Variants in ZNF516 observed in about 807,000 individuals in gnomAD.
ZNF516 encodes the protein zinc finger protein 516.
Under a neutral mutation model 79.7 loss-of-function variants are expected in ZNF516, and 19 were observed. The observed-to-expected ratio is 0.24, with a 90% CI of 0.17 to 0.35. ZNF516 has a LOEUF of 0.35. ZNF516 is among the 10% of genes least tolerant of loss of function. The pLI is 1.00. For missense variants in ZNF516, 1,678 were observed against 1,679.5 expected (o/e 1.00, Z 0.02); for synonymous variants, 877 against 739.5 (o/e 1.19, Z -3.02).
chr18:76,379,035 G>A lies in ZNF516; in HGVS notation c.3079C>T (p.Gln1027Ter). Residue 1027 changes from glutamine to a stop codon, truncating the protein, a stop_gained, in exon 4 of 7, where the codon CAG becomes TAG. Transcript: ENST00000443185. LOFTEE classifies it high-confidence loss of function. The part of the protein sequence containing the change: ...AAGSRGDAAL[Q>*]AQPGVAGAPP... ...GCCCCAGCCACGCCGGGCTGGGCCT[G>A]CAAGGCCGCGTCGCCCCTGGACCCC... is the stretch of plus-strand genomic sequence containing the variant. The A allele has an allele frequency of 6.2e-7, 1 of 1,611,196 alleles. No homozygotes were observed.
At chr18:76,413,135 C>T (rs766819903) in intron 3 of ZNF516, among the ~76,000 whole-genome samples, 53 of 152,210 alleles carry the variant, frequency 3.5e-4, no homozygotes, top group Non-Finnish European at 1.3e-4. Context: ...AAATGCCATA[C>T]GGTTTATTCC....
At chr18:76,441,097 G>T in intron 3 of ZNF516, 148 bp downstream of exon 3, 1 of 1,236,716 alleles carries the variant, frequency 8.1e-7, no homozygotes, top group Non-Finnish European at 1.1e-6. Flanking sequence ...CTGAGTCCCA[G>T]GGTTACCTGA....
intron 3 of ZNF516, among the ~76,000 whole-genome samples, chr18:76,425,969 C>G (rs766071910): frequency 1.2e-4 from 19 of 152,206 alleles, no homozygotes; most frequent in Admixed American, 7.2e-4. Context: ...GAATTTCAGA[C>G]GTCAAATTAA....
intron 3 of ZNF516, among the ~76,000 whole-genome samples, chr18:76,426,650 TAAAG>T (rs1477788507): frequency 2.0e-5 from 3 of 148,122 alleles, no homozygotes; most frequent in Non-Finnish European, 3.1e-5. Context: ...TTGAATGAAT[TAAAG>T]AAAGCCGCAA....
intron 3 of ZNF516, among the ~76,000 whole-genome samples, chr18:76,381,065 G>A (rs553918983): frequency 7.2e-5 from 11 of 152,330 alleles, no homozygotes; most frequent in South Asian, 2.1e-4. Flanking sequence ...GACGGAGAGC[G>A]TGTCTGAGCC....
intron 1 of ZNF516, among the ~76,000 whole-genome samples, chr18:76,470,229 C>G (rs78014815): frequency 0.012 from 1,799 of 152,256 alleles, 43 homozygotes; most frequent in African/African-American, 0.041. Flanking sequence ...TCTGAGCCAA[C>G]CAATGTGCAG....
chr18:76,395,676 G>A (rs540264224), intron 3 of ZNF516, among the ~76,000 whole-genome samples: 151 of 151,980 alleles, frequency 9.9e-4, no homozygotes, highest in South Asian at 2.7e-3. Flanking sequence ...CAGTGACCAC[G>A]GACAGGCTGG....
chr18:76,438,257 G>C (rs2075770297), intron 3 of ZNF516, among the ~76,000 whole-genome samples: 2 of 152,174 alleles, frequency 1.3e-5, no homozygotes. Context: ...TTTCTGAGCA[G>C]AATTCTATTT....
chr18:76,370,816 G>C (rs1568231995), intron 5 of ZNF516, among the ~76,000 whole-genome samples: 1 of 152,226 alleles, frequency 6.6e-6, no homozygotes, highest in African/African-American at 2.4e-5. Context: ...GCTGAAGAAA[G>C]CAATCACTGA....
intron 3 of ZNF516, among the ~76,000 whole-genome samples, chr18:76,419,181 C>A (rs2075474685): frequency 6.6e-6 from 1 of 152,206 alleles, no homozygotes; most frequent in East Asian, 1.9e-4. Context: ...CAGGATTGTC[C>A]AGGATTATAC....
intron 6 of ZNF516, among the ~76,000 whole-genome samples, chr18:76,368,950 TC>T (rs1223051286): frequency 6.6e-6 from 1 of 152,194 alleles, no homozygotes; most frequent in African/African-American, 2.4e-5. Context: ...ACCAACTTGT[TC>T]CTAGATCCAC....
chr18:76,478,388 C>A, intron 1 of ZNF516, among the ~76,000 whole-genome samples: 1 of 152,008 alleles, frequency 6.6e-6, no homozygotes, highest in Middle Eastern at 3.2e-3. Flanking sequence ...GTTTTGTAAA[C>A]TTGTTTATAT....
Position 76,380,058 on chromosome 18 carries a change from C to A in ZNF516, c.2056G>T (p.Val686Phe). ...GGGAACTCCACACCATCACCAGGGA[C>A]GGGCACCTCCTGCTTGGGGTGAAAT... ...PAFHPKQEVP[V>F]PGDGVEFPSS... Residue 686 changes from valine to phenylalanine, a missense_variant, in exon 4 of 7, where the codon GTC becomes TTC. Physicochemically the swap from Val to Phe is conservative, Grantham distance 50. Coordinates refer to ENST00000443185, the MANE Select transcript of ZNF516 (RefSeq NM_014643.4). The A allele has an allele frequency of 1.9e-6, 3 of 1,613,972 alleles. No homozygotes were observed. Among genetic ancestry groups the A allele is most frequent in the Middle Eastern group, 1.6e-4 (1 of 6,062 alleles).
intron 3 of ZNF516, among the ~76,000 whole-genome samples, chr18:76,403,953 C>T (rs576538136): frequency 1.3e-5 from 2 of 152,354 alleles, no homozygotes; most frequent in African/African-American, 2.4e-5. Flanking sequence ...AAGCATCCTG[C>T]GGACAACGAG....
At chr18:76,450,839 T>C (rs1912364882) in intron 2 of ZNF516, among the ~76,000 whole-genome samples, 1 of 152,200 alleles carries the variant, frequency 6.6e-6, no homozygotes, top group Admixed American at 6.5e-5. Context: ...CGACAGGAAA[T>C]CTTGCCATTT....
Position 76,379,041 on chromosome 18 carries a change from C to A in ZNF516, c.3073G>T (p.Ala1025Ser). ...TCAAGSRGDA[A>S]LQAQPGVAGA... ...GCCACGCCGGGCTGGGCCTGCAAGG[C>A]CGCGTCGCCCCTGGACCCCGCAGCA... The change falls in exon 4 of 7, where the codon GCC (alanine) becomes TCC (serine). Residue 1025 changes from alanine (A) to serine (S), a missense_variant. By Grantham distance (99) the Ala-to-Ser change is moderately conservative (BLOSUM62 1). Coordinates refer to ENST00000443185, the MANE Select transcript of ZNF516 (RefSeq NM_014643.4). The A allele has an allele frequency of 3.1e-6, 5 of 1,610,702 alleles. No individual in the cohort carries two copies. Among genetic ancestry groups the A allele is most frequent in the Non-Finnish European group, 3.4e-6 (4 of 1,179,382 alleles).
intron 6 of ZNF516, among the ~76,000 whole-genome samples, chr18:76,365,467 C>T (rs1004242254): frequency 6.6e-6 from 1 of 152,214 alleles, no homozygotes; most frequent in Admixed American, 6.5e-5. Flanking sequence ...AGTTTTTCCT[C>T]TAACATCCAC....
chr18:76,411,595 A>G (rs1568270024), intron 3 of ZNF516, among the ~76,000 whole-genome samples: 1 of 152,230 alleles, frequency 6.6e-6, no homozygotes, highest in Non-Finnish European at 1.5e-5. Context: ...AAAATACGCC[A>G]AAAGCATGGA....
intron 6 of ZNF516, 46 bp downstream of exon 6, chr18:76,370,482 A>C: frequency 6.5e-7 from 1 of 1,540,214 alleles, no homozygotes; most frequent in Non-Finnish European, 8.8e-7. Context: ...CACCTTTCCC[A>C]GCTACCGCAT....
Sources: gnomAD v4.1 joint callset for allele counts (sites outside exome capture counted in the v4.1 genomes callset) on GRCh38, gnomAD v4.1.1 for gene constraint, MANE v1.5 for transcripts, NCBI Gene and HGNC (gene_info 2026-07-23, HGNC 2026-07-21) for gene names.